Variants in NAV3 observed in about 807,000 individuals in gnomAD.
The protein encoded by NAV3 is pore membrane and/or filament interacting like protein 1.
In NAV3, 87 loss-of-function variants were observed where a neutral mutation model predicts 244.7. That is an observed-to-expected ratio of 0.36 (90% CI 0.30 to 0.42). NAV3 has a LOEUF of 0.42. NAV3 is among the 20% of genes least tolerant of loss of function. NAV3 has a pLI of 1.00. For synonymous variants in NAV3, 1,126 were observed against 1,042.2 expected, an observed-to-expected ratio of 1.08 and a Z score of -1.55; for missense variants, 2,663 against 2,893.3, an observed-to-expected ratio of 0.92 and a Z score of 1.83.
chr12:77,878,401 G>A (rs915274050), intron 1 of NAV3, among the ~76,000 whole-genome samples: 5 of 151,874 alleles, frequency 3.3e-5, no homozygotes, highest in African/African-American at 1.2e-4. Flanking sequence ...AATTTTGGGG[G>A]TATTTTTAGT....
At chr12:77,947,725 A>C (rs1341913836) in intron 3 of NAV3, among the ~76,000 whole-genome samples, 1 of 151,954 alleles carries the variant, frequency 6.6e-6, no homozygotes, top group Non-Finnish European at 1.5e-5. Context: ...TTTCTTAATG[A>C]TTTCATTATT....
intron 1 of NAV3, among the ~76,000 whole-genome samples, chr12:77,842,120 C>T (rs148249337): frequency 0.017 from 2,540 of 152,164 alleles, 64 homozygotes; most frequent in African/African-American, 0.057. Flanking sequence ...ATAAGTTGTC[C>T]AGAATTACAG....
chr12:77,726,844 G>A (rs757668095), intron 2 of NAV3, among the ~76,000 whole-genome samples: 1 of 151,946 alleles, frequency 6.6e-6, no homozygotes, highest in African/African-American at 2.4e-5. Flanking sequence ...ACTGGCAGGG[G>A]TTTGGTGATA....
intron 38 of NAV3, among the ~76,000 whole-genome samples, chr12:78,204,244 C>T (rs300494): frequency 0.94 from 142,912 of 151,894 alleles, 67,475 homozygotes; most frequent in East Asian, 1. Flanking sequence ...TTAGGAGATA[C>T]ACCTAATGCA....
At chr12:77,741,130 T>A (rs1368825596) in intron 2 of NAV3, among the ~76,000 whole-genome samples, 1 of 12,166 alleles carries the variant, frequency 8.2e-5, no homozygotes, top group Admixed American at 9.5e-4. Context: ...TTAGAAATAG[T>A]CAAAGAAAAA....
intron 5 of NAV3, among the ~76,000 whole-genome samples, chr12:77,987,201 T>C (rs1189301780): frequency 1.3e-5 from 2 of 152,138 alleles, no homozygotes; most frequent in Non-Finnish European, 2.9e-5. Flanking sequence ...ATCTTGGAAA[T>C]CTTCACAAAT....
At chr12:77,996,862 G>A (rs901150817) in intron 6 of NAV3, among the ~76,000 whole-genome samples, 3 of 152,138 alleles carry the variant, frequency 2.0e-5, no homozygotes, top group Non-Finnish European at 2.9e-5. Flanking sequence ...AAATTTCAGA[G>A]TAGTACACAG....
At chr12:77,825,987 C>T (rs1170339558), upstream of NAV3, among the ~76,000 whole-genome samples, 1 of 152,072 alleles carries the variant, frequency 6.6e-6, no homozygotes, top group Non-Finnish European at 1.5e-5. Context: ...TGATACACCC[C>T]TACTCCTGAG....
intron 2 of NAV3, among the ~76,000 whole-genome samples, chr12:77,606,985 G>A (rs1290465058): frequency 1.3e-5 from 2 of 152,038 alleles, no homozygotes; most frequent in African/African-American, 2.4e-5. Context: ...ATTGGATTCA[G>A]GAGACAAATA....
At chr12:78,090,328 A>T (rs923115759) in intron 12 of NAV3, among the ~76,000 whole-genome samples, 1 of 151,240 alleles carries the variant, frequency 6.6e-6, no homozygotes, top group African/African-American at 2.4e-5. Flanking sequence ...AGTACTACAA[A>T]TGATTGTGGA....
At chr12:77,699,530 T>G (rs1592595262) in intron 2 of NAV3, among the ~76,000 whole-genome samples, 2 of 152,214 alleles carry the variant, frequency 1.3e-5, no homozygotes, top group African/African-American at 2.4e-5. Flanking sequence ...TGAAAAGACT[T>G]GAAAGGCAGG....
At chr12:77,824,241 ATTTTTTTTTTTT>A (rs61710960) in intron 2 of NAV3, among the ~76,000 whole-genome samples, 1 of 104,902 alleles carries the variant, frequency 9.5e-6, no homozygotes, top group African/African-American at 3.8e-5. Context: ...GCCCAACTAA[ATTTTTTTTTTTT>A]TTTTTTTTTT....
intron 28 of NAV3, among the ~76,000 whole-genome samples, chr12:78,179,159 G>C (rs1958389834): frequency 6.6e-6 from 1 of 151,958 alleles, no homozygotes; most frequent in Non-Finnish European, 1.5e-5. Context: ...TAAAAGAATA[G>C]TCACATGTTG....
At chr12:77,822,686 A>T (rs1185028377) in intron 2 of NAV3, among the ~76,000 whole-genome samples, 2 of 152,172 alleles carry the variant, frequency 1.3e-5, no homozygotes, top group Non-Finnish European at 2.9e-5. Context: ...AGTATATCAT[A>T]TCTTATTTTT....
intron 1 of NAV3, among the ~76,000 whole-genome samples, chr12:77,902,309 A>G (rs968532543): frequency 6.6e-6 from 1 of 152,212 alleles, no homozygotes; most frequent in Non-Finnish European, 1.5e-5. Context: ...TTTCATAGAA[A>G]GAACTATTTT....
At chr12:78,127,483 A>G (rs896495206) in intron 17 of NAV3, among the ~76,000 whole-genome samples, 1 of 152,152 alleles carries the variant, frequency 6.6e-6, no homozygotes, top group African/African-American at 2.4e-5. Flanking sequence ...AACAAACAAA[A>G]CAAAAACAAA....
chr12:77,627,599 A>T (rs1399099117), intron 2 of NAV3, among the ~76,000 whole-genome samples: 2 of 152,190 alleles, frequency 1.3e-5, no homozygotes. Flanking sequence ...AGTAATGAGG[A>T]TGAGTTAGTA....
intron 1 of NAV3, among the ~76,000 whole-genome samples, chr12:77,852,943 T>A (rs572190951): frequency 4.6e-5 from 7 of 152,346 alleles, no homozygotes; most frequent in African/African-American, 1.4e-4. Flanking sequence ...TGAACATTCC[T>A]GCACATGTCT....
intron 2 of NAV3, among the ~76,000 whole-genome samples, chr12:77,691,427 G>C (rs910214680): frequency 1.4e-5 from 2 of 146,150 alleles, no homozygotes; most frequent in South Asian, 4.3e-4. Context: ...TATTTACTAA[G>C]TGTTAAGTCT....
Sources: gnomAD v4.1 joint callset for allele counts (sites outside exome capture counted in the v4.1 genomes callset) on GRCh38, gnomAD v4.1.1 for gene constraint, MANE v1.5 for transcripts, NCBI Gene and HGNC (gene_info 2026-07-23, HGNC 2026-07-21) for gene names.